The following S100A8 variants were observed in gnomAD, a reference collection of about 807,000 sequenced individuals.
S100A8 encodes the protein S100 calcium binding protein A8.
Under a neutral mutation model 4.2 loss-of-function variants are expected in S100A8, and 1 was observed. The ratio of observed to expected loss-of-function variants is 0.24; its 90% CI spans 0.08 to 1.12. The LOEUF (loss-of-function observed/expected upper bound fraction) is 1.12. S100A8 is among the 50% of genes most tolerant of loss of function. The pLI, the probability that S100A8 is intolerant of heterozygous loss-of-function variation, is 0.53. For synonymous variants in S100A8, 41 were observed against 44.7 expected (o/e 0.92, Z 0.33); for missense variants, 96 against 111.8 (o/e 0.86, Z 0.64).
At chr1:153,417,861 GC>G in the S100A8 span, 1 of 561,388 alleles carries the variant, frequency 1.8e-6, no homozygotes, top group Non-Finnish European at 3.1e-6. Flanking sequence ...TCTCTTCTTG[GC>G]CCTGGCCAGG....
the S100A8 span, among the ~76,000 whole-genome samples, chr1:153,406,257 G>A: frequency 6.6e-6 from 1 of 152,294 alleles, no homozygotes; most frequent in Non-Finnish European, 1.5e-5. Flanking sequence ...GGAGGCTGGG[G>A]GCACAATATA....
chr1:153,401,922 C>G, the S100A8 span, among the ~76,000 whole-genome samples: 1 of 147,496 alleles, frequency 6.8e-6, no homozygotes, highest in South Asian at 2.1e-4. Flanking sequence ...TTTTCCAGAC[C>G]TTTTTTATCT....
chr1:153,397,598 C>T, the S100A8 span, among the ~76,000 whole-genome samples: 4 of 152,132 alleles, frequency 2.6e-5, no homozygotes, highest in African/African-American at 9.7e-5. Context: ...ATCGGGAGCA[C>T]TGGGCAGGGC....
chr1:153,398,751 G>T, the S100A8 span, among the ~76,000 whole-genome samples: 806 of 152,258 alleles, frequency 5.3e-3, 3 homozygotes, highest in African/African-American at 0.019. Context: ...CGTATCCCAC[G>T]TAACCCTCAC....
upstream of S100A8, among the ~76,000 whole-genome samples, chr1:153,395,276 C>T (rs1662189939): frequency 6.6e-6 from 1 of 152,196 alleles, no homozygotes; most frequent in Non-Finnish European, 1.5e-5. Context: ...CTTCCCTTAA[C>T]ATGTGTCTGT....
At chr1:153,390,748 G>A (rs1662073817) in intron 1 of S100A8, 191 bp from the exon 2 acceptor site, 1 of 697,554 alleles carries the variant, frequency 1.4e-6, no homozygotes, top group Non-Finnish European at 2.3e-6. Context: ...GGAAGGGGAA[G>A]GGTCCATTCA....
At chr1:153,409,546 A>C in the S100A8 span, among the ~76,000 whole-genome samples, 1 of 152,174 alleles carries the variant, frequency 6.6e-6, no homozygotes, top group African/African-American at 2.4e-5. Flanking sequence ...TTAATACCCC[A>C]CTGTCAACAT....
the S100A8 span, among the ~76,000 whole-genome samples, chr1:153,404,977 A>C: frequency 1.3e-5 from 2 of 151,968 alleles, no homozygotes; most frequent in Non-Finnish European, 2.9e-5. Flanking sequence ...ACTCAGGGCC[A>C]GAGTTTTGTC....
upstream of S100A8, among the ~76,000 whole-genome samples, chr1:153,392,816 A>G (rs1662132545): frequency 6.6e-6 from 1 of 152,196 alleles, no homozygotes; most frequent in African/African-American, 2.4e-5. Flanking sequence ...CACCCTCCAA[A>G]ATAAATCCAG....
At chr1:153,394,516 G>A (rs1402234513), upstream of S100A8, among the ~76,000 whole-genome samples, 1 of 152,094 alleles carries the variant, frequency 6.6e-6, no homozygotes, top group Non-Finnish European at 1.5e-5. Context: ...CCTGCTGAGC[G>A]TTTATGGGGA....
At chr1:153,417,844 A>G in the S100A8 span, 2 of 508,316 alleles carry the variant, frequency 3.9e-6, no homozygotes, top group African/African-American at 3.9e-5. Flanking sequence ...TCTGCCATCC[A>G]CCTGCATCTC....
the S100A8 span, among the ~76,000 whole-genome samples, chr1:153,399,703 C>T: frequency 1.3e-5 from 2 of 152,160 alleles, no homozygotes; most frequent in African/African-American, 2.4e-5. Flanking sequence ...CTGAGTGACA[C>T]AGACAGGTGC....
chr1:153,416,607 G>T, the S100A8 span: 1 of 444,892 alleles, frequency 2.2e-6, no homozygotes, highest in Admixed American at 2.6e-5. Flanking sequence ...AGTGCCCAGT[G>T]CCCAGCCTGC....
At chr1:153,392,900 G>A (rs1007961626), upstream of S100A8, among the ~76,000 whole-genome samples, 13 of 152,314 alleles carry the variant, frequency 8.5e-5, no homozygotes, top group African/African-American at 2.9e-4. Flanking sequence ...CACAATCACT[G>A]ATCAGAGCAA....
the S100A8 span, among the ~76,000 whole-genome samples, chr1:153,397,161 G>A: frequency 6.6e-6 from 1 of 152,240 alleles, no homozygotes; most frequent in Non-Finnish European, 1.5e-5. Flanking sequence ...CCCCAGCCAG[G>A]GCTTCCTCAA....
the S100A8 span, among the ~76,000 whole-genome samples, chr1:153,407,442 G>A: frequency 6.6e-6 from 1 of 152,328 alleles, no homozygotes; most frequent in East Asian, 1.9e-4. Context: ...CATTTCTGAG[G>A]CTTGAGTAGG....
At chr1:153,397,239 T>C in the S100A8 span, among the ~76,000 whole-genome samples, 1 of 152,110 alleles carries the variant, frequency 6.6e-6, no homozygotes, top group Non-Finnish European at 1.5e-5. Flanking sequence ...GGCCCTCGAG[T>C]CTGCATCCCC....
the S100A8 span, among the ~76,000 whole-genome samples, chr1:153,401,757 G>A: frequency 6.6e-6 from 1 of 152,190 alleles, no homozygotes; most frequent in Non-Finnish European, 1.5e-5. Flanking sequence ...TTCAATTTCT[G>A]ACTAAGAGGG....
At chr1:153,400,036 T>C in the S100A8 span, among the ~76,000 whole-genome samples, 2 of 152,106 alleles carry the variant, frequency 1.3e-5, no homozygotes, top group African/African-American at 4.8e-5. Flanking sequence ...AGTCTGTCAG[T>C]GGAGGCAGAC....
Sources: allele counts gnomAD v4.1 joint callset (sites outside exome capture counted in the v4.1 genomes callset), GRCh38; gene constraint gnomAD v4.1.1; transcripts MANE v1.5; gene names NCBI Gene and HGNC (gene_info 2026-07-23, HGNC 2026-07-21).